Variants in DOCK5 observed in about 807,000 individuals in gnomAD.
DOCK5 encodes the protein dedicator of cytokinesis 5, also known as dedicator of cytokinesis protein 5.
Under a neutral mutation model 251.8 loss-of-function variants are expected in DOCK5, and 142 were observed. The ratio of observed to expected loss-of-function variants is 0.56; its 90% confidence interval spans 0.49 to 0.65. DOCK5 has a LOEUF of 0.65. Ranked by LOEUF, DOCK5 falls within the 30% of genes least tolerant of loss-of-function variation. The probability of loss-of-function intolerance (pLI) is 0.00; values close to 1 mark genes in which losing one functional copy is unlikely to be tolerated. For missense variants in DOCK5, 2,111 were observed against 2,312.3 expected (o/e 0.91, Z 1.79); for synonymous variants, 842 against 835.5 (o/e 1.01, Z -0.13).
chr8:25,413,268 T>G lies in DOCK5; in HGVS notation c.*1970T>G, dbSNP rs113996918. 1 of 152,202 alleles carries G rather than the reference T, an allele frequency of 6.6e-6. No homozygotes were observed. Among genetic ancestry groups the G allele is most frequent in the Admixed American group, 6.5e-5 (1 of 15,280 alleles). The allele number at this position is 152,202 out of a possible 1,614,324, so 9.4% of individuals were successfully genotyped here. On this transcript the variant is annotated 3_prime_UTR_variant, in exon 52 of 52. Coordinates refer to ENST00000276440, the MANE Select transcript of DOCK5 (RefSeq NM_024940.8). Reference sequence around the variant, plus strand: ...AGGAACTGGAACTCTCTAAGAGCATTACTCATACTTTTTTTTTCTTCCAAG... The same window carrying G: ...AGGAACTGGAACTCTCTAAGAGCATGACTCATACTTTTTTTTTCTTCCAAG...
chr8:25,276,196 A>G (rs1330485184), intron 4 of DOCK5, among the ~76,000 whole-genome samples: 2 of 152,212 alleles, frequency 1.3e-5, no homozygotes, highest in Non-Finnish European at 2.9e-5. Context: ...TGAGCCTTGG[A>G]TGAATCACTT....
chr8:25,342,526 T>C lies in DOCK5; in HGVS notation c.2617+19T>C, dbSNP rs1805979109. On this transcript the variant is annotated intron_variant, in intron 25 of 51. Transcript: ENST00000276440. ...CAGTCAGGTAAGTCTCCTTCAAAAC[T>C]TGCTGCATGAGGTTGCAGTGAGCTG... The C allele has an allele frequency of 2.6e-6, 4 of 1,546,484 alleles. 1 individual carries two copies. In the South Asian group the frequency reaches 4.7e-5, roughly 18 times the overall value.
At chr8:25,248,171 A>G (rs567157402) in intron 2 of DOCK5, among the ~76,000 whole-genome samples, 1 of 152,272 alleles carries the variant, frequency 6.6e-6, no homozygotes, top group South Asian at 2.1e-4. Context: ...ATTTTCTGGG[A>G]TTAATTTTTA....
chr8:25,321,587 G>T (rs549257501), intron 16 of DOCK5, among the ~76,000 whole-genome samples: 2 of 152,102 alleles, frequency 1.3e-5, no homozygotes, highest in Non-Finnish European at 2.9e-5. Flanking sequence ...TCACAATAGG[G>T]TTCGGCTCCT....
chr8:25,366,678 T>C (rs560052793), intron 30 of DOCK5, among the ~76,000 whole-genome samples, 192 bp from the exon 31 acceptor site: 9 of 152,320 alleles, frequency 5.9e-5, no homozygotes, highest in East Asian at 1.9e-4. Context: ...GCTTAAATTT[T>C]TTTAAAAAGC....
intron 1 of DOCK5, among the ~76,000 whole-genome samples, chr8:25,191,959 G>T (rs1020026141): frequency 2.0e-4 from 25 of 125,620 alleles, no homozygotes; most frequent in Admixed American, 6.5e-4. Flanking sequence ...GATGTTCCCC[G>T]TCCTGTGTCC....
chr8:25,213,410 C>A (rs1483811255), intron 1 of DOCK5, among the ~76,000 whole-genome samples: 2 of 151,882 alleles, frequency 1.3e-5, no homozygotes, highest in Non-Finnish European at 2.9e-5. Flanking sequence ...GTTTCATCCC[C>A]CTTCTGGCTG....
At chr8:25,296,801 T>TAG (rs147718001) in intron 7 of DOCK5, among the ~76,000 whole-genome samples, 153 bp downstream of exon 7, 124 of 147,442 alleles carry the variant, frequency 8.4e-4, no homozygotes, top group Non-Finnish European at 1.5e-3. Context: ...ATGAGGCAGG[T>TAG]ATATATATAT....
intron 38 of DOCK5, among the ~76,000 whole-genome samples, 197 bp from the exon 39 acceptor site, chr8:25,380,108 T>G (rs992300996): frequency 1.3e-5 from 2 of 152,228 alleles, no homozygotes; most frequent in Non-Finnish European, 2.9e-5. Context: ...CTGGCAAAGC[T>G]GCCAATATAC....
At chr8:25,398,192 T>C (rs1424397902) in intron 45 of DOCK5, among the ~76,000 whole-genome samples, 1 of 152,216 alleles carries the variant, frequency 6.6e-6, no homozygotes, top group Non-Finnish European at 1.5e-5. Flanking sequence ...ACCAATACTT[T>C]GGGAATTTCC....
At chr8:25,302,581 A>G (rs1441884651) in intron 10 of DOCK5, 127 bp downstream of exon 10, 12 of 1,279,578 alleles carry the variant, frequency 9.4e-6, no homozygotes, top group Non-Finnish European at 1.0e-5. Flanking sequence ...AACAATCAAA[A>G]GCAAGGTCTG....
rs781107462 is a variant in DOCK5 at position 25,372,681 on chromosome 8, G to A, written c.3647G>A (p.Ser1216Asn). The change falls in exon 35 of 52, where the codon AGC (serine) becomes AAC (asparagine). Residue 1216 changes from serine to asparagine, a missense_variant. By Grantham distance (46) the Ser-to-Asn change is conservative. This residue lies in a region of DOCK5 where 1,717 missense variants were observed against 1,892.4 expected (regional missense o/e 0.91). Coordinates refer to ENST00000276440, the MANE Select transcript of DOCK5 (RefSeq NM_024940.8). The part of the protein sequence containing the change: ...DYRTIIMQDE[S>N]KENRMSCTVN... ...AGAACCATCATCATGCAAGATGAGAGCAAGGAGAACCGTATGAGCTGCACT... is the reference window on the plus strand; with the variant it reads ...AGAACCATCATCATGCAAGATGAGAACAAGGAGAACCGTATGAGCTGCACT... 3 of 1,611,616 alleles carry A rather than the reference G, an allele frequency of 1.9e-6. No individual in the cohort carries two copies. The highest frequency in any genetic ancestry group is 3.4e-5 in the Admixed American group (2 of 59,606).
At chr8:25,294,987 C>T (rs1804582742) in intron 6 of DOCK5, among the ~76,000 whole-genome samples, 1 of 152,160 alleles carries the variant, frequency 6.6e-6, no homozygotes, top group Non-Finnish European at 1.5e-5. Context: ...GATCCAATCA[C>T]CTCCCACCAG....
At chr8:25,337,024 A>AATT (rs1204341060) in intron 22 of DOCK5, among the ~76,000 whole-genome samples, 1 of 152,236 alleles carries the variant, frequency 6.6e-6, no homozygotes, top group East Asian at 1.9e-4. Context: ...TGAAAAAAAT[A>AATT]AAATTAAAGG....
chr8:25,403,856 C>A (rs940264248), intron 48 of DOCK5, 132 bp downstream of exon 48: 1 of 940,030 alleles, frequency 1.1e-6, no homozygotes. Context: ...TGAGGAATGT[C>A]ATGATTAGCA....
At chr8:25,203,749 G>A (rs922043508) in intron 1 of DOCK5, among the ~76,000 whole-genome samples, 2 of 152,180 alleles carry the variant, frequency 1.3e-5, no homozygotes, top group Non-Finnish European at 2.9e-5. Context: ...TGTCAGGGAG[G>A]ACATATGGAC....
intron 31 of DOCK5, among the ~76,000 whole-genome samples, chr8:25,367,907 T>A (rs1170635902): frequency 6.6e-6 from 1 of 152,206 alleles, no homozygotes; most frequent in Non-Finnish European, 1.5e-5. Flanking sequence ...GTGTTTTGTT[T>A]GGCTTTGTCT....
At chr8:25,294,493 C>A (rs529981929) in intron 6 of DOCK5, among the ~76,000 whole-genome samples, 1 of 152,276 alleles carries the variant, frequency 6.6e-6, no homozygotes, top group Admixed American at 6.5e-5. Context: ...CAGTCCTCAA[C>A]TTCTTGAGCC....
intron 1 of DOCK5, among the ~76,000 whole-genome samples, chr8:25,198,565 C>T (rs1801791584): frequency 1.1e-5 from 1 of 87,630 alleles, no homozygotes; most frequent in African/African-American, 3.1e-5. Flanking sequence ...GAGCGAGACT[C>T]CATCTCAAAA....
Sources: allele counts gnomAD v4.1 joint callset (sites outside exome capture counted in the v4.1 genomes callset), GRCh38; gene constraint gnomAD v4.1.1; regional missense constraint gnomAD v4.1.1; transcripts MANE v1.5; gene names NCBI Gene and HGNC (gene_info 2026-07-23, HGNC 2026-07-21).